Variants in POU6F2 observed in about 807,000 individuals in gnomAD.
The protein encoded by POU6F2 is POU class 6 homeobox 2, also known as POU domain, class 6, transcription factor 2.
In POU6F2, 31 loss-of-function variants were observed where a neutral mutation model predicts 71.3. The ratio of observed to expected loss-of-function variants is 0.43; its 90% CI spans 0.33 to 0.59. The LOEUF (loss-of-function observed/expected upper bound fraction) is 0.59, where lower values mean the gene tolerates loss of function less well. Ranked by LOEUF, POU6F2 falls within the 20% of genes least tolerant of loss-of-function variation. POU6F2 has a pLI of 0.04. For missense variants in POU6F2, 783 were observed against 856.8 expected (o/e 0.91, Z 1.07); for synonymous variants, 347 against 355.7 (o/e 0.98, Z 0.27).
chr7:39,097,915 A>T (rs1220501577), intron 2 of POU6F2, among the ~76,000 whole-genome samples: 1 of 152,230 alleles, frequency 6.6e-6, no homozygotes, highest in Non-Finnish European at 1.5e-5. Context: ...ACTTTTCAAG[A>T]GTTGTTTGTT....
intron 5 of POU6F2, among the ~76,000 whole-genome samples, chr7:39,399,027 T>C (rs1227076768): frequency 6.6e-6 from 1 of 152,204 alleles, no homozygotes; most frequent in East Asian, 1.9e-4. Flanking sequence ...CGTTTCACTG[T>C]GCTGCTTCCA....
intron 5 of POU6F2, among the ~76,000 whole-genome samples, chr7:39,372,512 C>G (rs1786635296): frequency 6.6e-6 from 1 of 152,194 alleles, no homozygotes; most frequent in South Asian, 2.1e-4. Flanking sequence ...AGAATTCTCT[C>G]TGGCTAGGGG....
chr7:39,237,172 G>A (rs565223389), intron 4 of POU6F2, among the ~76,000 whole-genome samples: 21 of 152,142 alleles, frequency 1.4e-4, no homozygotes, highest in Non-Finnish European at 2.5e-4. Context: ...GAGAGAAGGC[G>A]CATCAGCAAA....
intron 4 of POU6F2, among the ~76,000 whole-genome samples, chr7:39,281,408 C>G (rs1742584542): frequency 6.6e-6 from 1 of 152,186 alleles, no homozygotes; most frequent in Non-Finnish European, 1.5e-5. Flanking sequence ...CTCCTCCTAT[C>G]TAACTGTAAC....
chr7:39,237,220 T>C (rs1016722245), intron 4 of POU6F2, among the ~76,000 whole-genome samples: 1 of 152,230 alleles, frequency 6.6e-6, no homozygotes, highest in Non-Finnish European at 1.5e-5. Flanking sequence ...AGCGTGTGCT[T>C]GGAAAGTCTT....
At chr7:39,219,815 G>A (rs1794312669) in intron 4 of POU6F2, among the ~76,000 whole-genome samples, 1 of 152,104 alleles carries the variant, frequency 6.6e-6, no homozygotes. Flanking sequence ...ATGCATCTCA[G>A]TTCCCTTGTG....
chr7:39,308,860 G>A (rs1395176678), intron 4 of POU6F2, among the ~76,000 whole-genome samples: 1 of 152,182 alleles, frequency 6.6e-6, no homozygotes, highest in South Asian at 2.1e-4. Flanking sequence ...CCCCCTGCGG[G>A]TGCCAGGAAT....
intron 2 of POU6F2, among the ~76,000 whole-genome samples, chr7:39,181,148 C>G (rs1793426603): frequency 6.6e-6 from 1 of 152,198 alleles, no homozygotes; most frequent in African/African-American, 2.4e-5. Context: ...CAGGAAGAGA[C>G]TGTTCACTCG....
At chr7:39,207,243 A>G in intron 3 of POU6F2, 149 bp from the exon 4 acceptor site, 1 of 671,160 alleles carries the variant, frequency 1.5e-6, no homozygotes, top group Non-Finnish European at 2.3e-6. Context: ...ATTTTTTTCT[A>G]CCAATCATTT....
intron 2 of POU6F2, among the ~76,000 whole-genome samples, chr7:39,086,253 C>T (rs2293530): frequency 6.6e-6 from 1 of 152,184 alleles, no homozygotes; most frequent in East Asian, 1.9e-4. Flanking sequence ...CCCATTTTGA[C>T]TTGTCAAATA....
At chr7:39,345,106 G>T (rs952657135) in intron 5 of POU6F2, among the ~76,000 whole-genome samples, 1 of 152,176 alleles carries the variant, frequency 6.6e-6, no homozygotes, top group Non-Finnish European at 1.5e-5. Context: ...ATCAGTAACA[G>T]TATTGAGCCA....
intron 6 of POU6F2, among the ~76,000 whole-genome samples, chr7:39,411,518 T>G (rs1351782546): frequency 6.6e-6 from 1 of 152,048 alleles, no homozygotes; most frequent in African/African-American, 2.4e-5. Flanking sequence ...CGTTTGTCCT[T>G]AAAAAGCCAG....
chr7:39,078,774 C>T (rs1791049927), intron 1 of POU6F2, among the ~76,000 whole-genome samples: 1 of 152,194 alleles, frequency 6.6e-6, no homozygotes, highest in Non-Finnish European at 1.5e-5. Context: ...GAGGCAGCTA[C>T]TTTCAGGCAG....
At chr7:39,058,713 A>C (rs1278117976) in intron 1 of POU6F2, among the ~76,000 whole-genome samples, 1 of 152,234 alleles carries the variant, frequency 6.6e-6, no homozygotes, top group Non-Finnish European at 1.5e-5. Context: ...ATTATTCTTT[A>C]CATGACTAGA....
intron 6 of POU6F2, among the ~76,000 whole-genome samples, chr7:39,414,594 C>G (rs1228382696): frequency 6.6e-6 from 1 of 152,168 alleles, no homozygotes; most frequent in Non-Finnish European, 1.5e-5. Context: ...TGCTGCGGGG[C>G]GGCCCAGCTG....
chr7:39,128,492 G>A (rs1293399289), intron 2 of POU6F2, among the ~76,000 whole-genome samples: 1 of 152,154 alleles, frequency 6.6e-6, no homozygotes, highest in Non-Finnish European at 1.5e-5. Context: ...ACATATAAAT[G>A]GGTTACCATA....
chr7:39,445,782 G>A (rs1788509991), intron 7 of POU6F2, among the ~76,000 whole-genome samples: 1 of 152,108 alleles, frequency 6.6e-6, no homozygotes, highest in African/African-American at 2.4e-5. Flanking sequence ...TAAGGCTCAG[G>A]CATTCATTAT....
At chr7:39,382,824 A>T (rs1366770858) in intron 5 of POU6F2, among the ~76,000 whole-genome samples, 1 of 152,116 alleles carries the variant, frequency 6.6e-6, no homozygotes, top group Non-Finnish European at 1.5e-5. Flanking sequence ...AGATCCTCAA[A>T]CACCCCAGAA....
chr7:39,403,922 G>A (rs1315243714), intron 5 of POU6F2, among the ~76,000 whole-genome samples: 1 of 152,232 alleles, frequency 6.6e-6, no homozygotes, highest in Non-Finnish European at 1.5e-5. Flanking sequence ...CACACTCCGT[G>A]ACTGTGGTTC....
Sources: allele counts gnomAD v4.1 joint callset (sites outside exome capture counted in the v4.1 genomes callset), GRCh38; gene constraint gnomAD v4.1.1; transcripts MANE v1.5; gene names NCBI Gene and HGNC (gene_info 2026-07-23, HGNC 2026-07-21).